JAKMIP1: variants seen among roughly 807,000 people sequenced by gnomAD.
JAKMIP1 encodes the protein janus kinase and microtubule interacting protein 1.
Under a neutral mutation model 113.0 loss-of-function variants are expected in JAKMIP1, and 33 were observed. The observed-to-expected ratio is 0.29, with a 90% CI of 0.22 to 0.39. The LOEUF is 0.39. Among genes scored for constraint, JAKMIP1 ranks in the 10% least tolerant of loss-of-function variants. The pLI is 1.00. For synonymous variants in JAKMIP1, 480 were observed against 459.9 expected, an observed-to-expected ratio of 1.04 and a Z score of -0.56; for missense variants, 813 against 1,080.5, an observed-to-expected ratio of 0.75 and a Z score of 3.47.
intron 5 of JAKMIP1, among the ~76,000 whole-genome samples, chr4:6,082,375 C>A (rs1720697646): frequency 6.6e-6 from 1 of 151,652 alleles, no homozygotes; most frequent in African/African-American, 2.4e-5. Context: ...ACCTACCGCC[C>A]CCCCAAAAAA....
intron 1 of JAKMIP1, among the ~76,000 whole-genome samples, chr4:6,152,789 A>AATATATATATATATAT (rs35192547): frequency 2.8e-4 from 38 of 135,268 alleles, no homozygotes; most frequent in African/African-American, 1.1e-3. Context: ...TAAAAATACA[A>AATATATATATATATAT]ATATATATAT....
chr4:6,081,790 C>A lies in JAKMIP1; in HGVS notation c.955-35G>T. On this transcript the variant is annotated intron_variant, in intron 5 of 20. Coordinates refer to ENST00000409021, the MANE Select transcript of JAKMIP1 (RefSeq NM_001099433.2). This position sits in a 1 kb window ranked among gnomAD's most constrained non-coding sequence, Gnocchi z 4.6. ...GAAACAGACACAGAGGCTCAGACAA[C>A]TTGACGACGGACGGCCGAGGTCACA... 6.2e-7 allele frequency: 1 copy of A among 1,613,336 alleles called. No homozygotes were observed. Among genetic ancestry groups the A allele is most frequent in the Non-Finnish European group, 8.5e-7 (1 of 1,179,584 alleles).
rs1714766602 is a variant in JAKMIP1 at position 6,044,717 on chromosome 4, C to A, written c.2029-2490G>T. Among the ~76,000 whole-genome samples the A allele has an allele frequency of 6.8e-6, 1 of 147,844 alleles. No individual in the cohort carries two copies. The highest frequency in any genetic ancestry group is 2.1e-4 in the South Asian group (1 of 4,810). ...AACACAGTGTTGAGATTTGTTGCTG[C>A]TGTCGTTTAAAAAATTGCATATAAA... On this transcript the variant is annotated intron_variant, in intron 16 of 20. Coordinates refer to ENST00000409021, the MANE Select transcript of JAKMIP1 (RefSeq NM_001099433.2). The surrounding 1 kb of genome is among the most constrained non-coding windows in gnomAD (Gnocchi z 4.4).
rs1578355131 is a variant in JAKMIP1 at position 6,138,985 on chromosome 4, A to C, written c.-147-25988T>G. On this transcript the variant is annotated intron_variant, in intron 1 of 20. Transcript: ENST00000409021. The surrounding 1 kb of genome is among the most constrained non-coding windows in gnomAD (Gnocchi z 6.0). The stretch of plus-strand genomic sequence containing the variant: ...TCATCTGGCTGGAATATGTCTCCCC[A>C]CCCCACCCTGTCTGTTCATCCTCCA... 1.3e-5 allele frequency among the ~76,000 whole-genome samples: 2 copies of C among 150,318 alleles called. No individual in the cohort carries two copies. Among genetic ancestry groups the C allele is most frequent in the African/African-American group, 4.9e-5 (2 of 40,596 alleles).
intron 2 of JAKMIP1, among the ~76,000 whole-genome samples, chr4:6,112,008 A>G (rs1241278469): frequency 6.6e-6 from 1 of 152,230 alleles, no homozygotes; most frequent in Non-Finnish European, 1.5e-5. Flanking sequence ...AAGCTAGTTC[A>G]GGCCATGATG....
At chr4:6,095,970 A>T (rs1036636468) in intron 3 of JAKMIP1, among the ~76,000 whole-genome samples, 1 of 152,252 alleles carries the variant, frequency 6.6e-6, no homozygotes, top group Non-Finnish European at 1.5e-5. Flanking sequence ...AAGGTGGCAT[A>T]TAACTGAGTG....
chr4:6,087,024 T>C (rs1721401856), intron 3 of JAKMIP1, among the ~76,000 whole-genome samples: 1 of 152,184 alleles, frequency 6.6e-6, no homozygotes, highest in Admixed American at 6.5e-5. Flanking sequence ...AACACATTTC[T>C]GTCATGTTAA....
At chr4:6,173,089 C>T (rs896611065) in intron 1 of JAKMIP1, among the ~76,000 whole-genome samples, 4 of 152,164 alleles carry the variant, frequency 2.6e-5, no homozygotes, top group African/African-American at 7.2e-5. Context: ...AAGATGTTCA[C>T]GCCTATCTGT....
intron 16 of JAKMIP1, among the ~76,000 whole-genome samples, chr4:6,046,570 G>A (rs909427184): frequency 6.6e-6 from 1 of 152,068 alleles, no homozygotes. Context: ...TGGTGGTCAG[G>A]GGCAGGCGGG....
At chr4:6,123,453 A>G (rs1478025859) in intron 1 of JAKMIP1, among the ~76,000 whole-genome samples, 2 of 152,270 alleles carry the variant, frequency 1.3e-5, no homozygotes, top group Non-Finnish European at 2.9e-5. Flanking sequence ...TCCAGAAAGC[A>G]AAGATTTTTC....
intron 8 of JAKMIP1, among the ~76,000 whole-genome samples, chr4:6,074,911 C>G (rs769915122): frequency 1.4e-4 from 21 of 152,248 alleles, no homozygotes; most frequent in Non-Finnish European, 2.5e-4. Context: ...ACAGGCTAGA[C>G]TGAATAGCCT....
In JAKMIP1 at chr4:6,105,523, C is replaced by T. The variant is rs1373210835; in HGVS notation, c.574G>A (p.Asp192Asn). 1 of 1,609,086 alleles carries T rather than the reference C, an allele frequency of 6.2e-7. No homozygotes were observed. The highest frequency in any genetic ancestry group is 1.3e-5 in the African/African-American group (1 of 74,896). Reference sequence around the variant, plus strand: ...TCGCGCTTGATGCGGTGCACCTCGTCTTGGTGCGCCTGGTAGGCGGCACGC... The same window carrying T: ...TCGCGCTTGATGCGGTGCACCTCGTTTTGGTGCGCCTGGTAGGCGGCACGC... Reference protein sequence around the residue: ...DLRAAYQAHQDEVHRIKRECE... With the variant: ...DLRAAYQAHQNEVHRIKRECE... Residue 192 changes from aspartate to asparagine, a missense_variant, in exon 3 of 21, where the codon GAC becomes AAC. Transcript: ENST00000409021.
Position 6,087,805 on chromosome 4 carries a change from G to C in JAKMIP1, c.625-2176C>G, listed in dbSNP as rs557774096. ...GGAAGACAAAAGGCTGTTTCCATCT[G>C]CCAGGATGATATCCTGGCCCCTGCA... On this transcript the variant is annotated intron_variant, in intron 3 of 20. Coordinates refer to ENST00000409021, the MANE Select transcript of JAKMIP1 (RefSeq NM_001099433.2). 2.0e-5 allele frequency among the ~76,000 whole-genome samples: 3 copies of C among 152,256 alleles called. No individual in the cohort carries two copies. The South Asian group carries it at 6.2e-4, about 32-fold the overall frequency.
chr4:6,151,734 G>T (rs1721592687), intron 1 of JAKMIP1, among the ~76,000 whole-genome samples: 1 of 152,180 alleles, frequency 6.6e-6, no homozygotes, highest in African/African-American at 2.4e-5. Flanking sequence ...CATTGAAGCT[G>T]GACGGCAAAG....
In JAKMIP1 at chr4:6,179,575, A is replaced by C. The variant is rs763560266; in HGVS notation, c.-148+20678T>G. On this transcript the variant is annotated intron_variant, in intron 1 of 20. Coordinates refer to ENST00000409021, the MANE Select transcript of JAKMIP1 (RefSeq NM_001099433.2). The surrounding 1 kb of genome is among the most constrained non-coding windows in gnomAD (Gnocchi z 4.5). ...CCTGACACAAACCTACCTCCTCTGC[A>C]AAAGGTGACCCTGCTCATTGCACCA... Among the ~76,000 whole-genome samples, 1 of 152,206 alleles carries C rather than the reference A, an allele frequency of 6.6e-6. No homozygotes were observed. The highest frequency in any genetic ancestry group is 2.4e-5 in the African/African-American group (1 of 41,454).
At chr4:6,070,259 G>GAAAAAGCACC in intron 8 of JAKMIP1, 1 of 395,850 alleles carries the variant, frequency 2.5e-6, no homozygotes, top group Non-Finnish European at 4.5e-6. Context: ...CCAGTCCAAG[G>GAAAAAGCACC]AAAAAGCACC....
At chr4:6,100,495 T>G (rs1712818395) in intron 3 of JAKMIP1, among the ~76,000 whole-genome samples, 1 of 152,252 alleles carries the variant, frequency 6.6e-6, no homozygotes, top group Admixed American at 6.5e-5. Flanking sequence ...ACTGAGGACA[T>G]TTGGGCTTCT....
intron 1 of JAKMIP1, among the ~76,000 whole-genome samples, chr4:6,146,166 C>T (rs1720820802): frequency 7.8e-6 from 1 of 128,526 alleles, no homozygotes; most frequent in East Asian, 2.3e-4. Flanking sequence ...ATAAGCCAGT[C>T]ACAAAAATAA....
chr4:6,042,139 C>CA lies in JAKMIP1; in HGVS notation c.2097+19dup, dbSNP rs1714406276. 1.2e-6 allele frequency: 2 copies of CA among 1,607,846 alleles called. No homozygotes were observed. Among genetic ancestry groups the CA allele is most frequent in the Non-Finnish European group, 1.7e-6 (2 of 1,174,476 alleles). On this transcript the variant is annotated intron_variant, in intron 17 of 20. Coordinates refer to ENST00000409021, the MANE Select transcript of JAKMIP1 (RefSeq NM_001099433.2). The surrounding 1 kb of genome is among the most constrained non-coding windows in gnomAD (Gnocchi z 5.2). ...CTCTTTGAACCCTCTCCCCCACCCC[C>CA]AGGCAGTCAAATCTTTTACCTTCTC...
Sources: gnomAD v4.1 joint callset for allele counts (sites outside exome capture counted in the v4.1 genomes callset) on GRCh38, gnomAD v4.1.1 for gene constraint, Gnocchi (gnomAD v3.1) non-coding constraint, MANE v1.5 for transcripts, NCBI Gene and HGNC (gene_info 2026-07-23, HGNC 2026-07-21) for gene names.